SLC15A5: variants seen among roughly 807,000 people sequenced by gnomAD.
The protein encoded by SLC15A5 is Peptide/histidine transporter ENSP00000340402.
In SLC15A5, 58 loss-of-function variants were observed where a neutral mutation model predicts 56.1. That is an observed-to-expected ratio of 1.03 (90% CI 0.84 to 1.29). The LOEUF (loss-of-function observed/expected upper bound fraction) is 1.29. Ranked by LOEUF, SLC15A5 falls within the 50% of genes most tolerant of loss-of-function variation. The pLI, the probability that SLC15A5 is intolerant of heterozygous loss-of-function variation, is 0.00. For missense variants in SLC15A5, 681 were observed against 672.1 expected (o/e 1.01, Z -0.15); for synonymous variants, 264 against 250.5 (o/e 1.05, Z -0.51).
At chr12:16,225,403 T>C (rs1351641992) in intron 5 of SLC15A5, among the ~76,000 whole-genome samples, 2 of 152,166 alleles carry the variant, frequency 1.3e-5, no homozygotes, top group African/African-American at 4.8e-5. Flanking sequence ...GGCAAGGACT[T>C]CATGTCTAAA....
At position 16,243,925 on chromosome 12, in the gene SLC15A5, C is replaced by A. The variant is rs1864436939; in HGVS notation, c.975+655G>T. Reference sequence around the variant, plus strand: ...GTTGGGAGTTAGCAATGAACAAAGTCCCAGATTTGTTCAAATACTTTTGTA... The same window carrying A: ...GTTGGGAGTTAGCAATGAACAAAGTACCAGATTTGTTCAAATACTTTTGTA... On this transcript the variant is annotated intron_variant, in intron 4 of 8. Coordinates refer to ENST00000344941, the MANE Select transcript of SLC15A5 (RefSeq NM_001170798.1). The surrounding 1 kb of genome is among the most constrained non-coding windows in gnomAD (Gnocchi z 4.4). 6.6e-6 allele frequency among the ~76,000 whole-genome samples: 1 copy of A among 152,242 alleles called. No homozygotes were observed. The highest frequency in any genetic ancestry group is 3.4e-3 in the Middle Eastern group (1 of 294).
chr12:16,224,450 A>G lies in SLC15A5; in HGVS notation c.1315T>C (p.Leu439=). The change falls in exon 6 of 9, where the codon TTA becomes CTA. Residue 439 remains leucine, a synonymous_variant. Transcript: ENST00000344941. ...ACCAGTGTTTCCGCCACTCCAAGTAAAACATACTGAAGAATCAGGTAGAAA... is the reference window on the plus strand; with the variant it reads ...ACCAGTGTTTCCGCCACTCCAAGTAGAACATACTGAAGAATCAGGTAGAAA... ...PCFYLILQYV[L]LGVAETLVNP... The G allele has an allele frequency of 6.5e-7, 1 of 1,537,262 alleles. No individual in the cohort carries two copies. Among genetic ancestry groups the G allele is most frequent in the Middle Eastern group, 1.7e-4 (1 of 5,990 alleles).
intron 1 of SLC15A5, among the ~76,000 whole-genome samples, chr12:16,274,182 T>A (rs1188667981): frequency 1.3e-5 from 2 of 152,008 alleles, no homozygotes; most frequent in Non-Finnish European, 1.5e-5. Context: ...TTTGTGCACA[T>A]CTTTATTAGC....
chr12:16,244,995 C>A (rs1438906229), intron 3 of SLC15A5, among the ~76,000 whole-genome samples, 195 bp from the exon 4 acceptor site: 3 of 152,058 alleles, frequency 2.0e-5, no homozygotes, highest in African/African-American at 7.2e-5. Context: ...CATGGTGGCA[C>A]CTAGCAGTTG....
chr12:16,252,396 A>G (rs1256792411), intron 3 of SLC15A5, among the ~76,000 whole-genome samples: 1 of 152,080 alleles, frequency 6.6e-6, no homozygotes. Flanking sequence ...GCATGATCTT[A>G]TATGTACCAA....
At chr12:16,224,312 G>A (rs1864217187) in intron 6 of SLC15A5, 102 bp downstream of exon 6, 2 of 1,087,072 alleles carry the variant, frequency 1.8e-6, no homozygotes, top group Non-Finnish European at 2.5e-6. Context: ...CTCTCTAGGA[G>A]GTGAATAGAT....
Position 16,271,961 on chromosome 12 carries a change from T to C in SLC15A5, c.584+600A>G, listed in dbSNP as rs1251619646. Among the ~76,000 whole-genome samples, 1 of 152,204 alleles carries C rather than the reference T, an allele frequency of 6.6e-6. No individual in the cohort carries two copies. The highest frequency in any genetic ancestry group is 2.4e-5 in the African/African-American group (1 of 41,460). On this transcript the variant is annotated intron_variant, in intron 2 of 8. Transcript: ENST00000344941. The surrounding 1 kb of genome is among the most constrained non-coding windows in gnomAD (Gnocchi z 8.0). Reference sequence around the variant, plus strand: ...CGAACTGGGTGAGAAACAGAGATGCTGGGTGATGCTTTAACAAATTGCAAA... The same window carrying C: ...CGAACTGGGTGAGAAACAGAGATGCCGGGTGATGCTTTAACAAATTGCAAA...
chr12:16,272,419 T>C, intron 2 of SLC15A5, 142 bp downstream of exon 2: 2 of 786,346 alleles, frequency 2.5e-6, no homozygotes, highest in Non-Finnish European at 4.1e-6. Context: ...GATTACTGAC[T>C]GAATCATCAT....
chr12:16,237,361 T>C lies in SLC15A5; in HGVS notation c.1162+2320A>G, dbSNP rs1348999960. On this transcript the variant is annotated intron_variant, in intron 5 of 8. Coordinates refer to ENST00000344941, the MANE Select transcript of SLC15A5 (RefSeq NM_001170798.1). The surrounding 1 kb of genome is among the most constrained non-coding windows in gnomAD (Gnocchi z 4.1). ...ACGTACAAGTATGCAAATCAATGAA[T>C]GAATGGAGTGGGGTTCAGAAACAAC... Among the ~76,000 whole-genome samples the C allele has an allele frequency of 6.6e-6, 1 of 152,140 alleles. No homozygotes were observed. The highest frequency in any genetic ancestry group is 1.9e-4 in the East Asian group (1 of 5,192).
intron 1 of SLC15A5, among the ~76,000 whole-genome samples, chr12:16,273,081 A>T (rs1389245372): frequency 6.6e-6 from 1 of 152,058 alleles, no homozygotes; most frequent in Non-Finnish European, 1.5e-5. Flanking sequence ...AAATTAAAAT[A>T]ACTCAGGAAA....
At chr12:16,224,677 C>T in intron 5 of SLC15A5, 75 bp from the exon 6 acceptor site, 7 of 1,344,402 alleles carry the variant, frequency 5.2e-6, no homozygotes, top group Non-Finnish European at 6.9e-6. Flanking sequence ...CATAACATTT[C>T]TTACCCATTG....
intron 2 of SLC15A5, among the ~76,000 whole-genome samples, chr12:16,267,028 T>G (rs1864703985): frequency 6.6e-6 from 1 of 152,234 alleles, no homozygotes; most frequent in Non-Finnish European, 1.5e-5. Context: ...TAAATTTAAA[T>G]TACTCAAATA....
intron 7 of SLC15A5, among the ~76,000 whole-genome samples, chr12:16,201,035 G>A (rs548352531): frequency 3.9e-5 from 6 of 152,184 alleles, no homozygotes; most frequent in African/African-American, 7.2e-5. Context: ...GTTTAGTTAC[G>A]CGTATGCTAT....
intron 3 of SLC15A5, among the ~76,000 whole-genome samples, chr12:16,257,092 A>G (rs545016499): frequency 2.5e-4 from 38 of 152,198 alleles, no homozygotes; most frequent in African/African-American, 8.2e-4. Flanking sequence ...TGGTGTTAAG[A>G]AATTTTCTTC....
Position 16,189,611 on chromosome 12 carries a change from C to A in SLC15A5, c.*57G>T, listed in dbSNP as rs878979817. The A allele has an allele frequency of 5.5e-5, 74 of 1,344,244 alleles. No individual in the cohort carries two copies. In the South Asian group the frequency reaches 8.4e-4, roughly 15 times the overall value. The allele number at this position is 1,344,244 out of a possible 1,614,324, so 83.3% of individuals were successfully genotyped here. A position where few individuals can be genotyped will look rare whatever the true frequency, so the allele number is the denominator to read the frequency against. The stretch of plus-strand genomic sequence containing the variant: ...ACACTAAAACACATAAAATGCTCAA[C>A]TGAAGAAGAAAACAATGAATACTGT... On this transcript the variant is annotated 3_prime_UTR_variant, in exon 9 of 9. Transcript: ENST00000344941.
At position 16,277,384 on chromosome 12, in the gene SLC15A5, G is replaced by A; in HGVS notation, c.302C>T (p.Thr101Ile). 3 of 1,536,202 alleles carry A rather than the reference G, an allele frequency of 2.0e-6. No homozygotes were observed. The highest frequency in any genetic ancestry group is 2.6e-6 in the Non-Finnish European group (3 of 1,146,244). Residue 101 changes from threonine (T) to isoleucine (I), a missense_variant, in exon 1 of 9, where the codon ACT becomes ATT. Coordinates refer to ENST00000344941, the MANE Select transcript of SLC15A5 (RefSeq NM_001170798.1). Reference sequence around the variant, plus strand: ...TTTGTTTCTTCCTAAATAGACATCAGTGAGCCATCTGACAAACACAGGGGT... The same window carrying A: ...TTTGTTTCTTCCTAAATAGACATCAATGAGCCATCTGACAAACACAGGGGT... ...ILTPVFVRWL[T>I]DVYLGRNKLV...
chr12:16,227,878 C>T (rs1162865527), intron 5 of SLC15A5, among the ~76,000 whole-genome samples: 1 of 152,140 alleles, frequency 6.6e-6, no homozygotes, highest in Non-Finnish European at 1.5e-5. Flanking sequence ...TAAAAATAAT[C>T]TGGTAACGTA....
intron 3 of SLC15A5, among the ~76,000 whole-genome samples, chr12:16,248,878 T>G (rs1864490793): frequency 6.6e-6 from 1 of 152,102 alleles, no homozygotes; most frequent in Non-Finnish European, 1.5e-5. Flanking sequence ...CTGGTTTAAA[T>G]GTGCATGGCA....
At chr12:16,214,267 T>A (rs1864109685) in intron 7 of SLC15A5, among the ~76,000 whole-genome samples, 1 of 152,196 alleles carries the variant, frequency 6.6e-6, no homozygotes, top group African/African-American at 2.4e-5. Context: ...GATTAAAAAA[T>A]TTGCCTGGAC....
Sources: allele counts gnomAD v4.1 joint callset (sites outside exome capture counted in the v4.1 genomes callset), GRCh38; gene constraint gnomAD v4.1.1; non-coding constraint Gnocchi (gnomAD v3.1); transcripts MANE v1.5; gene names NCBI Gene and HGNC (gene_info 2026-07-23, HGNC 2026-07-21).